Variants in KCTD16 observed in about 807,000 individuals in gnomAD.
KCTD16 encodes the protein BTB/POZ domain-containing protein KCTD16.
Under a neutral mutation model 33.2 loss-of-function variants are expected in KCTD16, and 13 were observed. The observed-to-expected ratio is 0.39, with a 90% CI of 0.25 to 0.62. The LOEUF (loss-of-function observed/expected upper bound fraction) is 0.62, where lower values mean the gene tolerates loss of function less well. Among genes scored for constraint, KCTD16 ranks in the 20% least tolerant of loss-of-function variants. The probability of loss-of-function intolerance (pLI) is 0.50; values close to 1 mark genes in which losing one functional copy is unlikely to be tolerated. For missense variants in KCTD16, 441 were observed against 525.1 expected (o/e 0.84, Z 1.57); for synonymous variants, 197 against 195.3 (o/e 1.01, Z -0.07).
At position 144,431,006 on chromosome 5, in the gene KCTD16, GTCC is replaced by G. The variant is rs573453358; in HGVS notation, c.833-42649_833-42647del. Reference sequence around the variant, plus strand: ...TGCATACAGTTTCAGGGATTCCATAGTCCTCCTGAAGACCAAACGTATAGCCCC... The same window carrying G: ...TGCATACAGTTTCAGGGATTCCATAGTCCTGAAGACCAAACGTATAGCCCC... On this transcript the variant is annotated intron_variant, in intron 3 of 3. Coordinates refer to ENST00000512467, the MANE Select transcript of KCTD16 (RefSeq NM_020768.4). Among the ~76,000 whole-genome samples, 229 of 152,166 alleles carry G rather than the reference GTCC, an allele frequency of 1.5e-3. 1 individual carries two copies. Among genetic ancestry groups the G allele is most frequent in the African/African-American group, 5.2e-3 (214 of 41,520 alleles).
chr5:144,438,804 A>C (rs570898875), intron 3 of KCTD16, among the ~76,000 whole-genome samples: 1 of 152,298 alleles, frequency 6.6e-6, no homozygotes, highest in Non-Finnish European at 1.5e-5. Flanking sequence ...AGGGAAAATC[A>C]ATAGTCAAAG....
intron 3 of KCTD16, among the ~76,000 whole-genome samples, chr5:144,218,713 TATTATG>T (rs1165043327): frequency 6.6e-6 from 1 of 152,198 alleles, no homozygotes; most frequent in East Asian, 1.9e-4. Context: ...TATATACCAT[TATTATG>T]ATTTTAACTT....
At chr5:144,229,928 G>T (rs964706897) in intron 3 of KCTD16, among the ~76,000 whole-genome samples, 3 of 152,136 alleles carry the variant, frequency 2.0e-5, no homozygotes, top group Non-Finnish European at 4.4e-5. Flanking sequence ...AATCACTTGA[G>T]GCCAGTAGTT....
intron 1 of KCTD16, among the ~76,000 whole-genome samples, chr5:144,172,369 T>C (rs756491396): frequency 1.3e-5 from 2 of 152,350 alleles, no homozygotes; most frequent in East Asian, 1.9e-4. Context: ...ATCTGGGTAA[T>C]TGAGATATAT....
intron 3 of KCTD16, among the ~76,000 whole-genome samples, chr5:144,217,242 C>T (rs780959650): frequency 6.6e-6 from 1 of 152,186 alleles, no homozygotes; most frequent in Non-Finnish European, 1.5e-5. Context: ...AAGACATTTT[C>T]CTATGGGCAT....
At chr5:144,337,057 C>T (rs1020172678) in intron 3 of KCTD16, among the ~76,000 whole-genome samples, 1 of 151,568 alleles carries the variant, frequency 6.6e-6, no homozygotes, top group Non-Finnish European at 1.5e-5. Context: ...CAAGTTTCTT[C>T]CTTGTCCTTA....
At chr5:144,419,583 T>TA (rs767605940) in intron 3 of KCTD16, among the ~76,000 whole-genome samples, 6 of 152,240 alleles carry the variant, frequency 3.9e-5, no homozygotes, top group African/African-American at 7.2e-5. Context: ...AAGGCTGGGG[T>TA]AAAAATGCCT....
rs1467131798 is a variant in KCTD16 at position 144,299,126 on chromosome 5, ATATATATATATATATATATATATTT to A, written c.832+91582_832+91606del. Among the ~76,000 whole-genome samples the A allele has an allele frequency of 3.4e-3, 80 of 23,814 alleles. 3 individuals carry two copies. Among genetic ancestry groups the A allele is most frequent in the African/African-American group, 0.032 (67 of 2,082 alleles). The allele number at this position is 23,814 out of a possible 152,430, so 15.6% of individuals were successfully genotyped here. Reference sequence around the variant, plus strand: ...TATATATATATATATATATATATATATATATATATATATATATATATATTTTTTTTTTTTTTTTTAACCTGTCACT... The same window carrying A: ...TATATATATATATATATATATATATATTTTTTTTTTTTTTAACCTGTCACT... On this transcript the variant is annotated intron_variant, in intron 3 of 3. Coordinates refer to ENST00000512467, the MANE Select transcript of KCTD16 (RefSeq NM_020768.4).
chr5:144,177,257 T>C (rs563512281), intron 2 of KCTD16, among the ~76,000 whole-genome samples: 1 of 152,314 alleles, frequency 6.6e-6, no homozygotes, highest in Non-Finnish European at 1.5e-5. Flanking sequence ...TGTATATCAT[T>C]GTAATTTGTG....
chr5:144,238,146 A>C (rs1171362359), intron 3 of KCTD16, among the ~76,000 whole-genome samples: 3 of 152,194 alleles, frequency 2.0e-5, no homozygotes, highest in Non-Finnish European at 2.9e-5. Flanking sequence ...TTGTGCAGCC[A>C]GATGGCTATG....
intron 3 of KCTD16, among the ~76,000 whole-genome samples, chr5:144,461,219 C>A (rs1754187226): frequency 6.6e-6 from 1 of 152,136 alleles, no homozygotes; most frequent in Non-Finnish European, 1.5e-5. Context: ...ACAAAGGGAT[C>A]TTTATGGAAT....
intron 3 of KCTD16, among the ~76,000 whole-genome samples, chr5:144,463,393 C>A (rs1437739575): frequency 6.6e-6 from 1 of 152,168 alleles, no homozygotes; most frequent in African/African-American, 2.4e-5. Flanking sequence ...GTATCAAAAG[C>A]AATCAATTGT....
At chr5:144,311,780 ATAATAT>A (rs1209363502) in intron 3 of KCTD16, among the ~76,000 whole-genome samples, 3 of 152,224 alleles carry the variant, frequency 2.0e-5, no homozygotes, top group African/African-American at 7.2e-5. Flanking sequence ...ACGATACTTT[ATAATAT>A]TACAGACTTT....
chr5:144,354,329 T>A (rs1470733310), intron 3 of KCTD16, among the ~76,000 whole-genome samples: 1 of 152,182 alleles, frequency 6.6e-6, no homozygotes, highest in Non-Finnish European at 1.5e-5. Context: ...GTTCAATAGG[T>A]ATTTTAAGCT....
chr5:144,335,703 GA>G (rs1247397080), intron 3 of KCTD16, among the ~76,000 whole-genome samples: 4 of 152,116 alleles, frequency 2.6e-5, no homozygotes, highest in Non-Finnish European at 5.9e-5. Context: ...GAACCTCTCA[GA>G]AAGAAAAACC....
At chr5:144,229,891 C>T (rs1040141315) in intron 3 of KCTD16, among the ~76,000 whole-genome samples, 5 of 152,196 alleles carry the variant, frequency 3.3e-5, no homozygotes, top group African/African-American at 1.2e-4. Flanking sequence ...TCTGTAATCC[C>T]AGCACTTTGG....
chr5:144,186,362 A>AG (rs1752725437), intron 2 of KCTD16, among the ~76,000 whole-genome samples: 1 of 95,684 alleles, frequency 1.0e-5, no homozygotes. Flanking sequence ...TAAAAAAAAA[A>AG]AGAAAAAAAA....
intron 3 of KCTD16, among the ~76,000 whole-genome samples, chr5:144,379,350 TAGA>T (rs1402479154): frequency 6.6e-6 from 1 of 152,158 alleles, no homozygotes; most frequent in Non-Finnish European, 1.5e-5. Flanking sequence ...TTTCACGTAC[TAGA>T]AGAAGAGGGG....
chr5:144,354,156 C>A (rs964949618), intron 3 of KCTD16, among the ~76,000 whole-genome samples: 2 of 151,946 alleles, frequency 1.3e-5, no homozygotes, highest in African/African-American at 4.8e-5. Context: ...CATGATTCTA[C>A]AACTCTAAAA....
Sources: allele counts gnomAD v4.1 joint callset (sites outside exome capture counted in the v4.1 genomes callset), GRCh38; gene constraint gnomAD v4.1.1; transcripts MANE v1.5; gene names NCBI Gene and HGNC (gene_info 2026-07-23, HGNC 2026-07-21).